Variants in CPQ observed in about 807,000 individuals in gnomAD.
CPQ encodes the protein carboxypeptidase Q.
CPQ carries 37 observed loss-of-function variants against 45.7 expected under a neutral mutation model. That is an observed-to-expected ratio of 0.81 (90% CI 0.62 to 1.07). The LOEUF (loss-of-function observed/expected upper bound fraction) is 1.07. CPQ is among the 50% of genes least tolerant of loss of function. The probability of loss-of-function intolerance (pLI) is 0.00; values close to 1 mark genes in which losing one functional copy is unlikely to be tolerated. For missense variants in CPQ, 537 were observed against 572.9 expected, an observed-to-expected ratio of 0.94 and a Z score of 0.64; for synonymous variants, 186 against 205.8, an observed-to-expected ratio of 0.90 and a Z score of 0.82.
intron 4 of CPQ, among the ~76,000 whole-genome samples, chr8:96,928,172 C>G (rs1195407860): frequency 6.6e-6 from 1 of 152,090 alleles, no homozygotes; most frequent in Non-Finnish European, 1.5e-5. Context: ...TATCGTAAGA[C>G]AGAAAGCGAG....
chr8:96,991,969 AG>A (rs1267380482), intron 5 of CPQ, among the ~76,000 whole-genome samples: 5 of 152,188 alleles, frequency 3.3e-5, no homozygotes, highest in Admixed American at 6.5e-5. Flanking sequence ...CAGAGCCCAT[AG>A]TATCTCTCTG....
chr8:97,060,810 C>A (rs1159232287), intron 6 of CPQ, among the ~76,000 whole-genome samples: 1 of 152,078 alleles, frequency 6.6e-6, no homozygotes, highest in East Asian at 1.9e-4. Flanking sequence ...CTGAGTGTGT[C>A]CCCACACATA....
intron 3 of CPQ, among the ~76,000 whole-genome samples, chr8:96,857,654 T>A (rs1236063496): frequency 6.6e-6 from 1 of 152,220 alleles, no homozygotes; most frequent in Non-Finnish European, 1.5e-5. Context: ...AGGTAGTCAA[T>A]AAATATTTAT....
intron 2 of CPQ, among the ~76,000 whole-genome samples, chr8:96,826,185 C>G (rs1204547136): frequency 1.3e-5 from 2 of 152,040 alleles, no homozygotes; most frequent in African/African-American, 4.8e-5. Context: ...TTAACACTTG[C>G]TGAATTCTTC....
At chr8:96,765,750 A>C (rs1189531477) in intron 1 of CPQ, among the ~76,000 whole-genome samples, 3 of 152,172 alleles carry the variant, frequency 2.0e-5, no homozygotes, top group Non-Finnish European at 4.4e-5. Context: ...TCCAAACAGT[A>C]TTATTCAGAG....
At chr8:96,731,388 G>A (rs148133513) in intron 1 of CPQ, among the ~76,000 whole-genome samples, 83 of 152,288 alleles carry the variant, frequency 5.5e-4, no homozygotes, top group Middle Eastern at 6.8e-3. Flanking sequence ...GGTCTGTCCT[G>A]GGATGGGACT....
intron 5 of CPQ, among the ~76,000 whole-genome samples, chr8:96,985,810 C>T (rs1395623840): frequency 1.3e-5 from 2 of 152,290 alleles, no homozygotes. Context: ...AAATTTATAA[C>T]AACCATACTT....
chr8:96,907,782 G>C (rs1233895720), intron 4 of CPQ, among the ~76,000 whole-genome samples: 1 of 151,998 alleles, frequency 6.6e-6, no homozygotes, highest in Non-Finnish European at 1.5e-5. Context: ...TTCTCCTCCT[G>C]TATCCTGTAC....
chr8:97,075,402 T>C (rs1810828435), intron 7 of CPQ, among the ~76,000 whole-genome samples: 1 of 152,208 alleles, frequency 6.6e-6, no homozygotes, highest in South Asian at 2.1e-4. Context: ...AATTTATTTC[T>C]TATGTTACAC....
At chr8:97,058,874 A>T (rs554456567) in intron 6 of CPQ, among the ~76,000 whole-genome samples, 159 of 152,296 alleles carry the variant, frequency 1.0e-3, no homozygotes, top group African/African-American at 3.7e-3. Context: ...TTTGCTATGT[A>T]AGCCTTTTTT....
intron 4 of CPQ, among the ~76,000 whole-genome samples, chr8:96,892,422 A>G (rs546186060): frequency 2.0e-5 from 3 of 152,348 alleles, no homozygotes; most frequent in African/African-American, 7.2e-5. Context: ...TAGCTTAAGC[A>G]GCTGTTTAAA....
intron 4 of CPQ, among the ~76,000 whole-genome samples, chr8:96,930,105 A>G (rs1353087369): frequency 6.6e-6 from 1 of 152,218 alleles, no homozygotes; most frequent in East Asian, 1.9e-4. Flanking sequence ...GGCAACAGAA[A>G]TGAAAAATGA....
At chr8:97,071,372 A>T (rs1239641598) in intron 7 of CPQ, among the ~76,000 whole-genome samples, 2 of 152,144 alleles carry the variant, frequency 1.3e-5, no homozygotes, top group Non-Finnish European at 2.9e-5. Flanking sequence ...TTCATCTGCA[A>T]AATAAGTCTG....
chr8:96,770,690 G>A (rs1255394467), intron 1 of CPQ, among the ~76,000 whole-genome samples: 2 of 147,474 alleles, frequency 1.4e-5, no homozygotes, highest in South Asian at 2.1e-4. Context: ...AAATATAAAT[G>A]AGTGTTATTT....
At chr8:97,085,423 T>G (rs999035288) in intron 7 of CPQ, among the ~76,000 whole-genome samples, 2 of 151,604 alleles carry the variant, frequency 1.3e-5, no homozygotes, top group Non-Finnish European at 2.9e-5. Flanking sequence ...GGACCCTCTC[T>G]GGAGCTATGC....
chr8:96,799,382 A>T (rs933025065), intron 2 of CPQ, among the ~76,000 whole-genome samples: 5 of 152,228 alleles, frequency 3.3e-5, no homozygotes, highest in African/African-American at 1.2e-4. Flanking sequence ...GCAAAGTCCC[A>T]TCATCAGATA....
intron 7 of CPQ, among the ~76,000 whole-genome samples, chr8:97,069,201 G>C (rs561487673): frequency 4.0e-4 from 61 of 152,206 alleles, no homozygotes; most frequent in African/African-American, 1.4e-3. Flanking sequence ...ATTTCCTTTA[G>C]AGCATTAGAA....
intron 7 of CPQ, among the ~76,000 whole-genome samples, chr8:97,087,803 G>T (rs1338748586): frequency 3.3e-5 from 5 of 152,100 alleles, no homozygotes; most frequent in Non-Finnish European, 1.5e-5. Context: ...TGCTAACATG[G>T]AATATTTTAT....
At chr8:96,772,078 A>G (rs1810550458) in intron 1 of CPQ, among the ~76,000 whole-genome samples, 1 of 152,142 alleles carries the variant, frequency 6.6e-6, no homozygotes, top group Admixed American at 6.6e-5. Context: ...GTTTGAACAA[A>G]GGAGGAAAAA....
Sources: gnomAD v4.1 joint callset for allele counts (sites outside exome capture counted in the v4.1 genomes callset) on GRCh38, gnomAD v4.1.1 for gene constraint, MANE v1.5 for transcripts, NCBI Gene and HGNC (gene_info 2026-07-23, HGNC 2026-07-21) for gene names.